ITGA2: variants seen among roughly 807,000 people sequenced by gnomAD.
ITGA2 encodes integrin subunit alpha 2.
ITGA2 carries 101 observed loss-of-function variants against 146.3 expected under a neutral mutation model. The observed-to-expected ratio is 0.69, with a 90% CI of 0.59 to 0.81. The LOEUF (loss-of-function observed/expected upper bound fraction) is 0.81. ITGA2 is among the 40% of genes least tolerant of loss of function. The pLI is 0.00. For missense variants in ITGA2, 1,281 were observed against 1,402.7 expected (o/e 0.91, Z 1.39); for synonymous variants, 477 against 487.1 (o/e 0.98, Z 0.27).
At chr5:53,033,416 T>C (rs1743330109) in intron 2 of ITGA2, among the ~76,000 whole-genome samples, 2 of 152,114 alleles carry the variant, frequency 1.3e-5, no homozygotes. Flanking sequence ...CAATCCTCTT[T>C]CCAAAATAAT....
intron 1 of ITGA2, among the ~76,000 whole-genome samples, chr5:53,002,419 A>G (rs1021004710): frequency 6.6e-5 from 10 of 152,130 alleles, no homozygotes; most frequent in African/African-American, 2.2e-4. Flanking sequence ...AAATATTTAT[A>G]TTTCTTTTGA....
intron 1 of ITGA2, among the ~76,000 whole-genome samples, chr5:53,024,958 G>C (rs1742870428): frequency 6.6e-6 from 1 of 152,142 alleles, no homozygotes; most frequent in Non-Finnish European, 1.5e-5. Flanking sequence ...GCCTATATAT[G>C]TGAATTGCTG....
At chr5:52,996,840 A>G (rs774935970) in intron 1 of ITGA2, among the ~76,000 whole-genome samples, 8 of 152,224 alleles carry the variant, frequency 5.3e-5, no homozygotes, top group Non-Finnish European at 7.3e-5. Context: ...ATCTAGTTTA[A>G]TAAAGATCCC....
chr5:53,074,502 A>G (rs995761058), intron 21 of ITGA2, 25 bp downstream of exon 21: 3 of 1,548,124 alleles, frequency 1.9e-6, no homozygotes, highest in African/African-American at 2.7e-5. Context: ...TCATCCTCCA[A>G]TCCATACAAG....
chr5:53,094,688 T>C lies in ITGA2; in HGVS notation c.*4089T>C, dbSNP rs1191108474. The C allele has an allele frequency of 1.3e-5, 2 of 152,248 alleles. No individual in the cohort carries two copies. Among genetic ancestry groups the C allele is most frequent in the African/African-American group, 4.8e-5 (2 of 41,472 alleles). The allele number at this position is 152,248 out of a possible 1,614,324, so 9.4% of individuals were successfully genotyped here. A position where few individuals can be genotyped will look rare whatever the true frequency, so the allele number is the denominator to read the frequency against. On this transcript the variant is annotated 3_prime_UTR_variant, in exon 30 of 30. Transcript: ENST00000296585. The stretch of plus-strand genomic sequence containing the variant: ...AAGTATAACAAACAGAAAAGTTTCA[T>C]TATTGTAACCCACTTTTTTCATACC...
At chr5:53,072,152 A>G (rs182185143) in intron 18 of ITGA2, 104 bp downstream of exon 18, 21 of 803,902 alleles carry the variant, frequency 2.6e-5, no homozygotes, top group African/African-American at 1.7e-4. Context: ...AAAATTCTTA[A>G]TTTTCTAAAT....
chr5:53,080,538 A>G lies in ITGA2; in HGVS notation c.2956A>G (p.Met986Val), dbSNP rs1745872944. The change falls in exon 25 of 30, where the codon ATG becomes GTG. Residue 986 changes from methionine to valine, a missense_variant. By Grantham distance (21) the Met-to-Val change is conservative (BLOSUM62 1). This residue lies in a region of ITGA2 where 475 missense variants were observed against 530.5 expected (regional missense o/e 0.90). Transcript: ENST00000296585. ...KVTTGSVPVS[M>V]ATVIIHIPQY... ...AACAACAGGAAGTGTTCCAGTAAGCATGGCAACTGTAATCATCCACATCCC... is the reference window on the plus strand; with the variant it reads ...AACAACAGGAAGTGTTCCAGTAAGCGTGGCAACTGTAATCATCCACATCCC... The G allele has an allele frequency of 6.2e-7, 1 of 1,613,530 alleles. No individual in the cohort carries two copies. Among genetic ancestry groups the G allele is most frequent in the South Asian group, 1.1e-5 (1 of 91,078 alleles).
intron 7 of ITGA2, 113 bp downstream of exon 7, chr5:53,051,672 A>G: frequency 1.9e-6 from 2 of 1,070,332 alleles, no homozygotes; most frequent in South Asian, 2.8e-5. Context: ...CTGGTACCTA[A>G]TTTAAATCAG....
chr5:53,034,527 A>G (rs1324556468), intron 2 of ITGA2, among the ~76,000 whole-genome samples: 1 of 152,052 alleles, frequency 6.6e-6, no homozygotes, highest in South Asian at 2.1e-4. Context: ...ATACATACAC[A>G]CCCATTGTTT....
Position 53,058,033 on chromosome 5 carries a change from C to G in ITGA2, c.1105C>G (p.Gln369Glu), listed in dbSNP as rs1167989588. 1.2e-6 allele frequency: 2 copies of G among 1,610,012 alleles called. No individual in the cohort carries two copies. Among genetic ancestry groups the G allele is most frequent in the African/African-American group, 2.7e-5 (2 of 74,664 alleles). The change falls in exon 10 of 30, where the codon CAA becomes GAA. Residue 369 changes from glutamine (Q) to glutamate (E), a missense_variant. Coordinates refer to ENST00000296585, the MANE Select transcript of ITGA2 (RefSeq NM_002203.4). ...EQIFSIEGTV[Q>E]GGDNFQMEMS... is the part of the protein sequence containing the mutation. Reference sequence around the variant, plus strand: ...AAAATTGAATGTTCCAGGTACTGTTCAAGGAGGAGACAACTTTCAGATGGA... The same window carrying G: ...AAAATTGAATGTTCCAGGTACTGTTGAAGGAGGAGACAACTTTCAGATGGA...
intron 23 of ITGA2, among the ~76,000 whole-genome samples, chr5:53,077,286 A>G (rs1745705420): frequency 6.6e-6 from 1 of 152,058 alleles, no homozygotes; most frequent in Admixed American, 6.6e-5. Context: ...AAAAAATAAC[A>G]AACATCTTTG....
Position 53,048,604 on chromosome 5 carries a change from A to G in ITGA2, c.503-39A>G, listed in dbSNP as rs1337435190. ...TTTATATGGCTGTGAAATATGACTT[A>G]CCTGTGGAAATCTGCTTCTTTCCTC... On this transcript the variant is annotated intron_variant, in intron 5 of 29. Coordinates refer to ENST00000296585, the MANE Select transcript of ITGA2 (RefSeq NM_002203.4). 3 of 1,613,934 alleles carry G rather than the reference A, an allele frequency of 1.9e-6. No individual in the cohort carries two copies. The Admixed American group carries it at 5.0e-5, about 27-fold the overall frequency.
At chr5:53,011,540 C>T (rs1862639) in intron 1 of ITGA2, among the ~76,000 whole-genome samples, 30,623 of 152,060 alleles carry the variant, frequency 0.2, 3,199 homozygotes, top group African/African-American at 0.23. Flanking sequence ...CTTAGTGGCC[C>T]TGCCTCTTTA....
At chr5:53,057,344 G>A (rs2111948861) in intron 9 of ITGA2, among the ~76,000 whole-genome samples, 1 of 152,076 alleles carries the variant, frequency 6.6e-6, no homozygotes, top group Non-Finnish European at 1.5e-5. Context: ...TAAAGTGTGA[G>A]TCCAGTAATT....
intron 1 of ITGA2, among the ~76,000 whole-genome samples, chr5:53,024,076 G>T (rs942912441): frequency 1.3e-5 from 2 of 152,176 alleles, no homozygotes; most frequent in African/African-American, 4.8e-5. Flanking sequence ...GGACAATAAA[G>T]TTGAGAGATG....
At chr5:53,016,668 C>A (rs1389700789) in intron 1 of ITGA2, among the ~76,000 whole-genome samples, 1 of 152,150 alleles carries the variant, frequency 6.6e-6, no homozygotes, top group Non-Finnish European at 1.5e-5. Context: ...CGGATGATAT[C>A]CTCAAATATG....
At chr5:53,043,912 C>T (rs1216096776) in intron 3 of ITGA2, among the ~76,000 whole-genome samples, 1 of 152,064 alleles carries the variant, frequency 6.6e-6, no homozygotes, top group African/African-American at 2.4e-5. Context: ...AAGTCTGATT[C>T]ATCTTCTCTG....
intron 3 of ITGA2, among the ~76,000 whole-genome samples, chr5:53,044,603 A>C (rs1579843808): frequency 6.6e-6 from 1 of 152,006 alleles, no homozygotes; most frequent in Non-Finnish European, 1.5e-5. Context: ...GCATTCTTTG[A>C]TAACACTTCA....
At chr5:53,041,609 CT>C (rs1743801376) in intron 2 of ITGA2, among the ~76,000 whole-genome samples, 1 of 152,126 alleles carries the variant, frequency 6.6e-6, no homozygotes, top group African/African-American at 2.4e-5. Context: ...CATGTGACTA[CT>C]GAGCACTTGA....
Sources: gnomAD v4.1 joint callset for allele counts (sites outside exome capture counted in the v4.1 genomes callset) on GRCh38, gnomAD v4.1.1 for gene constraint, gnomAD v4.1.1 regional missense constraint, MANE v1.5 for transcripts, NCBI Gene and HGNC (gene_info 2026-07-23, HGNC 2026-07-21) for gene names.